The following SLC14A2 variants were observed in gnomAD, a reference collection of about 807,000 sequenced individuals.
SLC14A2 encodes the protein urea transporter 2.
SLC14A2 carries 91 observed loss-of-function variants against 104.6 expected under a neutral mutation model. The observed-to-expected ratio is 0.87, with a 90% CI of 0.73 to 1.04. The LOEUF (loss-of-function observed/expected upper bound fraction) is 1.04, where lower values mean the gene tolerates loss of function less well. SLC14A2 is among the 50% of genes least tolerant of loss of function. SLC14A2 has a pLI of 0.00. For missense variants in SLC14A2, 1,189 were observed against 1,156.0 expected (o/e 1.03, Z -0.41); for synonymous variants, 476 against 466.4 (o/e 1.02, Z -0.27).
chr18:45,391,718 T>G (rs1478653507), intron 1 of SLC14A2, among the ~76,000 whole-genome samples: 1 of 152,250 alleles, frequency 6.6e-6, no homozygotes, highest in Admixed American at 6.5e-5. Flanking sequence ...GCTGTATAAA[T>G]GTCTTCTTTT....
At chr18:45,192,630 GT>G in the SLC14A2 span, among the ~76,000 whole-genome samples, 9,271 of 127,974 alleles carry the variant, frequency 0.072, 321 homozygotes, top group Non-Finnish European at 0.085. Flanking sequence ...GTGTGTGTGT[GT>G]GTGTGGTTTT....
the SLC14A2 span, among the ~76,000 whole-genome samples, chr18:45,170,480 G>A: frequency 6.6e-6 from 1 of 152,150 alleles, no homozygotes; most frequent in African/African-American, 2.4e-5. Context: ...AACCTTGAAT[G>A]TTTGCACATG....
rs868322755 is a variant in SLC14A2, at chr18:45,240,657, T to C, written c.-125+27466T>C. ...TTTTTTTTTGTTTTTTTTGTTTTTG[T>C]TTTTGGTTTTGCCTTTTTGAGACGG... On this transcript the variant is annotated intron_variant, in intron 1 of 20. Transcript: ENST00000586448. Among the ~76,000 whole-genome samples the C allele has an allele frequency of 4.5e-3, 670 of 149,856 alleles. 2 individuals are homozygous for C. Among genetic ancestry groups the C allele is most frequent in the African/African-American group, 0.016 (645 of 40,030 alleles).
In SLC14A2 at chr18:45,298,446, G is replaced by T. The variant is rs78562061; in HGVS notation, c.-125+85255G>T. ...CACCAATCCAAGGGCGTAGCAAGAG[G>T]TATGGTGTGAAGACCTGTTTACTCT... On this transcript the variant is annotated intron_variant, in intron 1 of 20. Coordinates refer to the SLC14A2 transcript ENST00000586448. Among the ~76,000 whole-genome samples, 8 of 152,314 alleles carry T rather than the reference G, an allele frequency of 5.3e-5. No homozygotes were observed. The East Asian group carries it at 1.5e-3, about 29-fold the overall frequency.
chr18:45,605,501 G>GA (rs1466251199), intron 2 of SLC14A2, among the ~76,000 whole-genome samples: 1 of 152,130 alleles, frequency 6.6e-6, no homozygotes, highest in Non-Finnish European at 1.5e-5. Flanking sequence ...GAGGTGATGG[G>GA]ATTCAATGAT....
intron 1 of SLC14A2, among the ~76,000 whole-genome samples, chr18:45,233,193 G>C (rs1248109861): frequency 6.6e-6 from 1 of 152,180 alleles, no homozygotes; most frequent in Non-Finnish European, 1.5e-5. Flanking sequence ...GGCTCACACA[G>C]AACCTGAGTG....
intron 1 of SLC14A2, among the ~76,000 whole-genome samples, chr18:45,414,012 C>CA (rs1224730478): frequency 3.3e-5 from 5 of 151,760 alleles, no homozygotes; most frequent in East Asian, 1.9e-4. Flanking sequence ...GTGCCTCGTA[C>CA]AAAAAAAGTA....
intron 1 of SLC14A2, among the ~76,000 whole-genome samples, chr18:45,617,204 T>TC (rs1173680831): frequency 1.3e-5 from 2 of 152,142 alleles, no homozygotes; most frequent in Admixed American, 1.3e-4. Flanking sequence ...GTCTGCTCTC[T>TC]CCCCCACCTC....
At chr18:45,431,698 G>C (rs1006431367) in intron 1 of SLC14A2, among the ~76,000 whole-genome samples, 2 of 152,188 alleles carry the variant, frequency 1.3e-5, no homozygotes, top group African/African-American at 4.8e-5. Flanking sequence ...ATGTGCTTCA[G>C]GCACAGGAAA....
chr18:45,418,807 C>T (rs2086306280), intron 1 of SLC14A2, among the ~76,000 whole-genome samples: 1 of 152,110 alleles, frequency 6.6e-6, no homozygotes, highest in Admixed American at 6.5e-5. Context: ...TACCTCTAAT[C>T]CCTGTTCAAC....
intron 2 of SLC14A2, among the ~76,000 whole-genome samples, chr18:45,598,910 A>T (rs540720886): frequency 6.6e-6 from 1 of 152,270 alleles, no homozygotes; most frequent in East Asian, 1.9e-4. Flanking sequence ...TCTTACCCCA[A>T]GGGAAGGCTC....
At chr18:45,582,231 C>T (rs1032571242) in intron 2 of SLC14A2, among the ~76,000 whole-genome samples, 2 of 152,154 alleles carry the variant, frequency 1.3e-5, no homozygotes, top group African/African-American at 4.8e-5. Flanking sequence ...AGACAAGCCT[C>T]CACCTCTAGC....
intron 10 of SLC14A2, chr18:45,647,617 T>G (rs1476563938): frequency 6.6e-6 from 1 of 152,230 alleles, no homozygotes; most frequent in East Asian, 1.9e-4. Context: ...TTTACAGCTA[T>G]TAATTTTCTC....
intron 1 of SLC14A2, among the ~76,000 whole-genome samples, chr18:45,342,259 G>T (rs961665490): frequency 6.6e-6 from 1 of 152,194 alleles, no homozygotes. Context: ...GCTCTGAACA[G>T]TTTCTGACAC....
At chr18:45,299,870 AGTACTTGTC>A (rs2084951431) in intron 1 of SLC14A2, among the ~76,000 whole-genome samples, 1 of 152,236 alleles carries the variant, frequency 6.6e-6, no homozygotes, top group African/African-American at 2.4e-5. Flanking sequence ...GAAAGTTTCT[AGTACTTGTC>A]GTGTCTTGGC....
intron 4 of SLC14A2, among the ~76,000 whole-genome samples, chr18:45,630,798 C>T (rs764820628): frequency 6.6e-6 from 1 of 152,238 alleles, no homozygotes; most frequent in Non-Finnish European, 1.5e-5. Flanking sequence ...CACTGCCTGT[C>T]TCCAGCTGCC....
At chr18:45,673,641 T>A in intron 17 of SLC14A2, 42 bp from the exon 18 acceptor site, 1 of 1,595,656 alleles carries the variant, frequency 6.3e-7, no homozygotes, top group Non-Finnish European at 8.6e-7. Flanking sequence ...ATGGGCCCCA[T>A]AAGACCCTAG....
chr18:45,638,082 C>A (rs770410717), intron 6 of SLC14A2, among the ~76,000 whole-genome samples: 5 of 152,148 alleles, frequency 3.3e-5, no homozygotes, highest in African/African-American at 7.2e-5. Context: ...TTAAAATCTG[C>A]GTTCCCGGAT....
At chr18:45,639,640 C>T (rs527537178) in intron 6 of SLC14A2, 106 bp from the exon 7 acceptor site, 34 of 1,092,362 alleles carry the variant, frequency 3.1e-5, no homozygotes, top group Non-Finnish European at 4.5e-5. Context: ...GTCATCCTCC[C>T]GTTCCACTCC....
Sources: allele counts gnomAD v4.1 joint callset (sites outside exome capture counted in the v4.1 genomes callset), GRCh38; gene constraint gnomAD v4.1.1; transcripts MANE v1.5; gene names NCBI Gene and HGNC (gene_info 2026-07-23, HGNC 2026-07-21).